PLCB1: variants seen among roughly 807,000 people sequenced by gnomAD.
PLCB1 encodes the protein phospholipase C beta 1.
In PLCB1, 46 loss-of-function variants were observed where a neutral mutation model predicts 161.8. The observed-to-expected ratio is 0.28, with a 90% CI of 0.22 to 0.36. PLCB1 has a LOEUF of 0.36. Ranked by LOEUF, PLCB1 falls within the 10% of genes least tolerant of loss-of-function variation. The pLI is 1.00. For synonymous variants in PLCB1, 517 were observed against 503.7 expected (o/e 1.03, Z -0.35); for missense variants, 1,016 against 1,472.5 (o/e 0.69, Z 5.07).
intron 31 of PLCB1, among the ~76,000 whole-genome samples, chr20:8,809,754 T>C (rs1984720888): frequency 6.6e-6 from 1 of 152,186 alleles, no homozygotes; most frequent in African/African-American, 2.4e-5. Context: ...TTTTTTTCTG[T>C]TTCCTCCATT....
Position 8,346,087 on chromosome 20 carries a change from C to T in PLCB1, c.178-25295C>T, listed in dbSNP as rs557543235. Reference sequence around the variant, plus strand: ...GTTTTATAGTGTACCAGATTTCTATCGTGTTTTTAAAAAGAAAATAACTTA... The same window carrying T: ...GTTTTATAGTGTACCAGATTTCTATTGTGTTTTTAAAAAGAAAATAACTTA... On this transcript the variant is annotated intron_variant, in intron 2 of 31. Transcript: ENST00000338037. 2.6e-5 allele frequency among the ~76,000 whole-genome samples: 4 copies of T among 152,232 alleles called. No homozygotes were observed. The East Asian group carries it at 5.8e-4, about 22-fold the overall frequency.
rs192921262 is a variant in PLCB1 at position 8,232,513 on chromosome 20, G to A, written c.177+82142G>A. Among the ~76,000 whole-genome samples the A allele has an allele frequency of 3.3e-5, 5 of 152,228 alleles. No homozygotes were observed. The East Asian group carries it at 9.7e-4, about 29-fold the overall frequency. ...GATGGTGACCTAGTTTAGCTCTACCGTATTTCTCGAGCCAAGTAGAGAAGA... is the reference window on the plus strand; with the variant it reads ...GATGGTGACCTAGTTTAGCTCTACCATATTTCTCGAGCCAAGTAGAGAAGA... On this transcript the variant is annotated intron_variant, in intron 2 of 31. Transcript: ENST00000338037.
chr20:8,442,697 T>C (rs550607926), intron 3 of PLCB1, among the ~76,000 whole-genome samples: 1 of 152,336 alleles, frequency 6.6e-6, no homozygotes, highest in African/African-American at 2.4e-5. Flanking sequence ...TCTTGAGTTA[T>C]CAAAATGTAT....
chr20:8,549,300 G>A (rs1027122146), intron 3 of PLCB1, among the ~76,000 whole-genome samples: 2 of 152,144 alleles, frequency 1.3e-5, no homozygotes, highest in Admixed American at 6.5e-5. Context: ...CCTAGTGCTT[G>A]CTTTTAACTA....
chr20:8,792,461 A>G (rs1983805677), intron 31 of PLCB1: 3 of 448,002 alleles, frequency 6.7e-6, no homozygotes, highest in Non-Finnish European at 1.4e-5. Context: ...GGTTACATAC[A>G]GTGTACGTTA....
intron 3 of PLCB1, among the ~76,000 whole-genome samples, chr20:8,529,447 G>A (rs1174605146): frequency 6.6e-6 from 1 of 151,892 alleles, no homozygotes; most frequent in African/African-American, 2.4e-5. Context: ...TATATAGTCC[G>A]TCCTCTCTTT....
rs1360063023 is a variant in PLCB1 at position 8,884,545 on chromosome 20, A to G, written c.*2696A>G. 1 of 152,586 alleles carries G rather than the reference A, an allele frequency of 6.6e-6. No individual in the cohort carries two copies. Among genetic ancestry groups the G allele is most frequent in the East Asian group, 1.9e-4 (1 of 5,194 alleles). 9.5% of individuals were successfully genotyped at this position (152,586 alleles called of 1,614,324 possible). On this transcript the variant is annotated 3_prime_UTR_variant, in exon 32 of 32. Coordinates refer to ENST00000338037, the MANE Select transcript of PLCB1 (RefSeq NM_015192.4). ...CATTTTAAAATTTGAGTATCACCAT[A>G]CATTAATTAATACTCCTGTAGTAGA...
intron 3 of PLCB1, among the ~76,000 whole-genome samples, chr20:8,594,417 T>G (rs1987254978): frequency 6.6e-6 from 1 of 151,448 alleles, no homozygotes; most frequent in South Asian, 2.1e-4. Flanking sequence ...TCTCAAACAC[T>G]CATGTGCTTG....
At chr20:8,340,356 C>A (rs959706851) in intron 2 of PLCB1, among the ~76,000 whole-genome samples, 32 of 152,312 alleles carry the variant, frequency 2.1e-4, no homozygotes, top group Non-Finnish European at 2.9e-5. Context: ...GGATTACATG[C>A]TAAAAATAGA....
chr20:8,388,332 T>G (rs1250419846), intron 3 of PLCB1, among the ~76,000 whole-genome samples: 2 of 152,190 alleles, frequency 1.3e-5, no homozygotes, highest in East Asian at 1.9e-4. Context: ...TGAGCTGTTA[T>G]TTGGATGTTA....
intron 3 of PLCB1, among the ~76,000 whole-genome samples, chr20:8,406,787 A>G (rs946426908): frequency 1.3e-5 from 2 of 152,310 alleles, no homozygotes. Context: ...CAAGAATTAT[A>G]GTGATTTTAT....
intron 31 of PLCB1, among the ~76,000 whole-genome samples, chr20:8,821,531 ATATATATATATATATATATAT>A (rs1985407904): frequency 9.8e-6 from 1 of 102,476 alleles, no homozygotes; most frequent in Admixed American, 9.3e-5. Flanking sequence ...ATATATATAT[ATATATATATATATATATATAT>A]ATATATTTAA....
At chr20:8,292,866 C>T (rs1983450099) in intron 2 of PLCB1, among the ~76,000 whole-genome samples, 1 of 152,096 alleles carries the variant, frequency 6.6e-6, no homozygotes, top group South Asian at 2.1e-4. Flanking sequence ...ATATGTAAAA[C>T]TCCTTGGACA....
chr20:8,176,370 G>A lies in PLCB1; in HGVS notation c.177+25999G>A, dbSNP rs1600216997. 4.6e-5 allele frequency among the ~76,000 whole-genome samples: 7 copies of A among 152,286 alleles called. No individual in the cohort carries two copies. The South Asian group carries it at 1.2e-3, about 27-fold the overall frequency. On this transcript the variant is annotated intron_variant, in intron 2 of 31. Coordinates refer to ENST00000338037, the MANE Select transcript of PLCB1 (RefSeq NM_015192.4). Reference sequence around the variant, plus strand: ...GGATAAGTCTCCAGTATGCTGAATGGAAAAAGCCAATCTCAAAAGGTTTCA... The same window carrying A: ...GGATAAGTCTCCAGTATGCTGAATGAAAAAAGCCAATCTCAAAAGGTTTCA...
At chr20:8,845,940 A>G (rs926955258) in intron 31 of PLCB1, among the ~76,000 whole-genome samples, 1 of 152,244 alleles carries the variant, frequency 6.6e-6, no homozygotes, top group South Asian at 2.1e-4. Context: ...TTGATTGTAG[A>G]GACACACAGC....
chr20:8,558,942 G>A (rs896088662), intron 3 of PLCB1, among the ~76,000 whole-genome samples: 1 of 151,878 alleles, frequency 6.6e-6, no homozygotes, highest in Non-Finnish European at 1.5e-5. Context: ...AAATGGTAAG[G>A]AGATGCCTTC....
intron 23 of PLCB1, among the ~76,000 whole-genome samples, chr20:8,755,323 G>T (rs534902943): frequency 6.6e-6 from 1 of 151,562 alleles, no homozygotes; most frequent in Non-Finnish European, 1.5e-5. Flanking sequence ...TTTTTCATCT[G>T]TAATCACATG....
chr20:8,850,016 T>TA (rs948960041), intron 31 of PLCB1, among the ~76,000 whole-genome samples: 2 of 151,786 alleles, frequency 1.3e-5, no homozygotes, highest in East Asian at 1.9e-4. Flanking sequence ...CGTCTAAAAA[T>TA]AAAAAAAAGA....
intron 2 of PLCB1, among the ~76,000 whole-genome samples, chr20:8,339,837 C>T (rs2122219101): frequency 6.6e-6 from 1 of 152,284 alleles, no homozygotes; most frequent in Non-Finnish European, 1.5e-5. Flanking sequence ...GGCACTGTGG[C>T]TCATGCCTGT....
Sources: gnomAD v4.1 joint callset for allele counts (sites outside exome capture counted in the v4.1 genomes callset) on GRCh38, gnomAD v4.1.1 for gene constraint, MANE v1.5 for transcripts, NCBI Gene and HGNC (gene_info 2026-07-23, HGNC 2026-07-21) for gene names.